The following ALMS1 variants were observed in gnomAD, a reference collection of about 807,000 sequenced individuals.
ALMS1 encodes the protein ALMS1 centrosome and basal body associated protein, also known as centrosome-associated protein ALMS1.
ALMS1 carries 271 observed loss-of-function variants against 352.2 expected under a neutral mutation model. That is an observed-to-expected ratio of 0.77 (90% CI 0.70 to 0.85). The LOEUF is 0.85. Among genes scored for constraint, ALMS1 ranks in the 40% least tolerant of loss-of-function variants. The probability of loss-of-function intolerance (pLI) is 0.00; values close to 1 mark genes in which losing one functional copy is unlikely to be tolerated. For missense variants in ALMS1, 5,445 were observed against 4,870.7 expected, an observed-to-expected ratio of 1.12 and a Z score of -3.51; for synonymous variants, 1,865 against 1,761.2, an observed-to-expected ratio of 1.06 and a Z score of -1.48.
chr2:73,425,023 T>C (rs1304847062), intron 5 of ALMS1, 121 bp downstream of exon 5: 8 of 787,554 alleles, frequency 1.0e-5, no homozygotes, highest in Admixed American at 3.0e-5. Flanking sequence ...GAGGGAACTT[T>C]GCACCACCCA....
chr2:73,441,891 A>G (rs536244526), intron 7 of ALMS1, among the ~76,000 whole-genome samples: 3 of 152,004 alleles, frequency 2.0e-5, no homozygotes, highest in African/African-American at 4.8e-5. Context: ...TAGATGTGCT[A>G]TTGTCTTTGG....
intron 10 of ALMS1, among the ~76,000 whole-genome samples, chr2:73,512,188 G>A (rs1317367099): frequency 6.6e-6 from 1 of 151,998 alleles, no homozygotes; most frequent in African/African-American, 2.4e-5. Context: ...GGGTTCAAGC[G>A]ATTCTCCTGC....
chr2:73,600,901 T>A lies in ALMS1; in HGVS notation c.11872+20T>A, dbSNP rs1675669398. The A allele has an allele frequency of 6.2e-7, 1 of 1,607,956 alleles. No individual in the cohort carries two copies. On this transcript the variant is annotated intron_variant, in intron 18 of 22. Transcript: ENST00000613296. Reference sequence around the variant, plus strand: ...ATGAAGGTCAGTTTCTCATTCCAGATCTTGTAGTAGAGAAACTAGTGAATT... The same window carrying A: ...ATGAAGGTCAGTTTCTCATTCCAGAACTTGTAGTAGAGAAACTAGTGAATT...
intron 9 of ALMS1, among the ~76,000 whole-genome samples, chr2:73,474,427 C>T (rs888726831): frequency 3.0e-5 from 4 of 131,678 alleles, no homozygotes; most frequent in South Asian, 2.3e-4. Flanking sequence ...GTTTACATGA[C>T]GGTGAAGAAC....
At chr2:73,423,038 T>G (rs745864828) in intron 4 of ALMS1, 64 bp downstream of exon 4, 11 of 1,420,784 alleles carry the variant, frequency 7.7e-6, no homozygotes, top group Non-Finnish European at 9.9e-6. Flanking sequence ...CTAATATTAG[T>G]GACTTCAGGC....
chr2:73,537,355 G>C (rs1674050693), intron 12 of ALMS1, among the ~76,000 whole-genome samples: 1 of 152,196 alleles, frequency 6.6e-6, no homozygotes, highest in South Asian at 2.1e-4. Flanking sequence ...GCTCAGGAAA[G>C]ACCCAAGGCG....
chr2:73,503,461 G>A lies in ALMS1; in HGVS notation c.9539+11963G>A, dbSNP rs555089490. Among the ~76,000 whole-genome samples, 6 of 152,264 alleles carry A rather than the reference G, an allele frequency of 3.9e-5. No homozygotes were observed. In the South Asian group the frequency reaches 1.2e-3, roughly 32 times the overall value. Reference sequence around the variant, plus strand: ...TTTTATGGCTGCATAGTATTCCATGGTGTATATGTGGCACATTTTCTTAAT... The same window carrying A: ...TTTTATGGCTGCATAGTATTCCATGATGTATATGTGGCACATTTTCTTAAT... On this transcript the variant is annotated intron_variant, in intron 10 of 22. Coordinates refer to ENST00000613296, the MANE Select transcript of ALMS1 (RefSeq NM_001378454.1).
At chr2:73,561,727 C>G (rs1674668126) in intron 15 of ALMS1, among the ~76,000 whole-genome samples, 1 of 148,574 alleles carries the variant, frequency 6.7e-6, no homozygotes, top group South Asian at 2.1e-4. Context: ...TAATGTCATA[C>G]TATTTGTCAC....
rs914637518 is a variant in ALMS1 at position 73,547,886 on chromosome 2, A to G, written c.9908-2381A>G. Among the ~76,000 whole-genome samples the G allele has an allele frequency of 2.6e-5, 4 of 152,174 alleles. 1 individual carries two copies. The highest frequency in any genetic ancestry group is 7.2e-5 in the African/African-American group (3 of 41,442). On this transcript the variant is annotated intron_variant, in intron 12 of 22. Transcript: ENST00000613296. Reference sequence around the variant, plus strand: ...TAGCATGAGTATCACAGTGTTATCTATAGAGATAGGGAGAAATGGACAGTC... The same window carrying G: ...TAGCATGAGTATCACAGTGTTATCTGTAGAGATAGGGAGAAATGGACAGTC...
In ALMS1 at chr2:73,449,844, T is replaced by C; in HGVS notation, c.3317T>C (p.Phe1106Ser). 1 of 1,614,090 alleles carries C rather than the reference T, an allele frequency of 6.2e-7. No individual in the cohort carries two copies. Among genetic ancestry groups the C allele is most frequent in the Non-Finnish European group, 8.5e-7 (1 of 1,179,984 alleles). Residue 1106 changes from phenylalanine to serine, a missense_variant, in exon 8 of 23, where the codon TTC becomes TCC. Transcript: ENST00000613296. ...FYSQREKPGI[F>S]YQQTLPESHL... is the part of the protein sequence containing the mutation. ...TCACAAAGAGAGAAGCCTGGTATTT[T>C]CTACCAACAGACCTTGCCAGAGAGT... is the stretch of plus-strand genomic sequence containing the variant.
intron 1 of ALMS1, among the ~76,000 whole-genome samples, chr2:73,392,358 A>T (rs1217804424): frequency 6.6e-6 from 1 of 151,768 alleles, no homozygotes; most frequent in Non-Finnish European, 1.5e-5. Context: ...CTTTTTTGAG[A>T]TATCATTCAT....
Position 73,600,888 on chromosome 2 carries a change from T to A in ALMS1, c.11872+7T>A, listed in dbSNP as rs763235048. 15 of 1,612,470 alleles carry A rather than the reference T, an allele frequency of 9.3e-6. No individual in the cohort carries two copies. The East Asian group carries it at 3.3e-4, about 36-fold the overall frequency. On this transcript the variant is annotated splice_region_variant and intron_variant, in intron 18 of 22. Coordinates refer to ENST00000613296, the MANE Select transcript of ALMS1 (RefSeq NM_001378454.1). Reference sequence around the variant, plus strand: ...AAGAAGAATTCCCATGAAGGTCAGTTTCTCATTCCAGATCTTGTAGTAGAG... The same window carrying A: ...AAGAAGAATTCCCATGAAGGTCAGTATCTCATTCCAGATCTTGTAGTAGAG...
At chr2:73,536,038 C>G (rs1322443421) in intron 12 of ALMS1, among the ~76,000 whole-genome samples, 1 of 152,074 alleles carries the variant, frequency 6.6e-6, no homozygotes, top group African/African-American at 2.4e-5. Flanking sequence ...AAAAAAAGAA[C>G]CACAAAAATA....
chr2:73,417,691 C>T (rs1450228398), intron 2 of ALMS1, among the ~76,000 whole-genome samples: 1 of 151,920 alleles, frequency 6.6e-6, no homozygotes, highest in Non-Finnish European at 1.5e-5. Flanking sequence ...TTATTGCTAT[C>T]CTTTATCAGG....
Position 73,449,243 on chromosome 2 carries a change from A to C in ALMS1, c.2716A>C (p.Ser906Arg), listed in dbSNP as rs1158766603. Reference protein sequence around the residue: ...QKTGIPSAPSSFYSHREKPII... With the variant: ...QKTGIPSAPSRFYSHREKPII... The stretch of plus-strand genomic sequence containing the variant: ...GACTGGGATACCCTCAGCACCATCT[A>C]GTTTCTACTCACACAGAGAGAAGCC... The change falls in exon 8 of 23, where the codon AGT becomes CGT. Residue 906 changes from serine (S) to arginine (R), a missense_variant. By Grantham distance (110) the Ser-to-Arg change is moderately radical. Coordinates refer to ENST00000613296, the MANE Select transcript of ALMS1 (RefSeq NM_001378454.1). 1 of 1,614,076 alleles carries C rather than the reference A, an allele frequency of 6.2e-7. No homozygotes were observed.
chr2:73,519,701 C>T (rs1558679014), intron 10 of ALMS1, 74 bp from the exon 11 acceptor site: 50 of 1,597,354 alleles, frequency 3.1e-5, no homozygotes, highest in Non-Finnish European at 4.3e-5. Context: ...TCCTTGAAAC[C>T]ACTTTTGGAA....
chr2:73,451,671 G>C lies in ALMS1; in HGVS notation c.5144G>C (p.Arg1715Thr). ...PSVSSSLYSY[R>T]EKPIVFYQQA... ...GTATCCTCTAGTTTATACTCATATA[G>C]AGAGAAGCCCATTGTCTTCTACCAA... Residue 1715 changes from arginine to threonine, a missense_variant, in exon 8 of 23, where the codon AGA becomes ACA. By Grantham distance (71) the Arg-to-Thr change is moderately conservative. Transcript: ENST00000613296. The C allele has an allele frequency of 1.9e-6, 3 of 1,614,068 alleles. No homozygotes were observed. Among genetic ancestry groups the C allele is most frequent in the Non-Finnish European group, 2.5e-6 (3 of 1,179,984 alleles).
At chr2:73,401,507 A>G (rs900093691) in intron 1 of ALMS1, among the ~76,000 whole-genome samples, 1 of 152,132 alleles carries the variant, frequency 6.6e-6, no homozygotes, top group African/African-American at 2.4e-5. Context: ...TACACTGTTT[A>G]ACCTCTTAAG....
chr2:73,572,515 G>C lies in ALMS1; in HGVS notation c.10638G>C (p.Lys3546Asn). 1.2e-6 allele frequency: 2 copies of C among 1,613,728 alleles called. No homozygotes were observed. Residue 3546 changes from lysine (K) to asparagine (N), a missense_variant, in exon 16 of 23, where the codon AAG becomes AAC. By Grantham distance (94) the Lys-to-Asn change is moderately conservative. Transcript: ENST00000613296. Reference protein sequence around the residue: ...DKTKTDYTRIKSLSINVNLGN... With the variant: ...DKTKTDYTRINSLSINVNLGN... ...CTAAGACAGATTATACCAGAATAAA[G>C]AGCCTCAGCATCAATGTGAATTTGG...
Sources: allele counts gnomAD v4.1 joint callset (sites outside exome capture counted in the v4.1 genomes callset), GRCh38; gene constraint gnomAD v4.1.1; transcripts MANE v1.5; gene names NCBI Gene and HGNC (gene_info 2026-07-23, HGNC 2026-07-21).